Variants in BNC2 observed in about 807,000 individuals in gnomAD.
BNC2 encodes zinc finger protein basonuclin-2.
In BNC2, 20 loss-of-function variants were observed where a neutral mutation model predicts 76.3. The ratio of observed to expected loss-of-function variants is 0.26; its 90% confidence interval spans 0.18 to 0.38. BNC2 has a LOEUF of 0.38. Among genes scored for constraint, BNC2 ranks in the 10% least tolerant of loss-of-function variants. The pLI is 1.00. For missense variants in BNC2, 1,382 were observed against 1,399.8 expected, an observed-to-expected ratio of 0.99 and a Z score of 0.20; for synonymous variants, 582 against 514.8, an observed-to-expected ratio of 1.13 and a Z score of -1.77.
At chr9:16,422,629 A>G (rs978079553) in intron 6 of BNC2, among the ~76,000 whole-genome samples, 2 of 152,190 alleles carry the variant, frequency 1.3e-5, no homozygotes, top group Non-Finnish European at 2.9e-5. Context: ...GGACTGAGGA[A>G]AGTCTGCTGT....
Position 16,435,699 on chromosome 9 carries a change from G to A in BNC2, c.2495C>T (p.Pro832Leu). Reference protein sequence around the residue: ...PEGDLCSSPDPKICYVCKKSF... With the variant: ...PEGDLCSSPDLKICYVCKKSF... ...CTTCTTGCACACATAACAGATTTTGGGGTCTGGGCTAGAACATAGGTCACC... is the reference window on the plus strand; with the variant it reads ...CTTCTTGCACACATAACAGATTTTGAGGTCTGGGCTAGAACATAGGTCACC... Residue 832 changes from proline to leucine, a missense_variant, in exon 6 of 7, where the codon CCC becomes CTC. Pro to Leu is a moderately conservative substitution (Grantham distance 98). Coordinates refer to ENST00000380672, the MANE Select transcript of BNC2 (RefSeq NM_017637.6). 1 of 1,614,086 alleles carries A rather than the reference G, an allele frequency of 6.2e-7. No individual in the cohort carries two copies. The highest frequency in any genetic ancestry group is 8.5e-7 in the Non-Finnish European group (1 of 1,180,028).
intron 5 of BNC2, among the ~76,000 whole-genome samples, chr9:16,478,590 G>T (rs561285511): frequency 1.6e-4 from 25 of 152,170 alleles, no homozygotes; most frequent in Non-Finnish European, 3.1e-4. Context: ...ATTCTTCAAT[G>T]AACAGTGTTA....
At chr9:16,761,571 G>C (rs532280775) in intron 1 of BNC2, among the ~76,000 whole-genome samples, 1 of 152,334 alleles carries the variant, frequency 6.6e-6, no homozygotes, top group African/African-American at 2.4e-5. Context: ...TTTGCGGGGA[G>C]AGGGAGTCAG....
chr9:16,823,467 G>C (rs888233812), intron 1 of BNC2, among the ~76,000 whole-genome samples: 3 of 151,494 alleles, frequency 2.0e-5, no homozygotes, highest in African/African-American at 7.3e-5. Context: ...GCCAGGTGTG[G>C]TGGCATGTCC....
At chr9:16,838,215 G>A (rs1818751237) in intron 1 of BNC2, among the ~76,000 whole-genome samples, 1 of 152,066 alleles carries the variant, frequency 6.6e-6, no homozygotes, top group Admixed American at 6.6e-5. Context: ...TTTTTTCCAT[G>A]TACAAATACA....
intron 5 of BNC2, among the ~76,000 whole-genome samples, chr9:16,502,927 TACAACAAGCGTATTCTAATCTACCCTAG>T (rs1822550988): frequency 6.6e-6 from 1 of 152,112 alleles, no homozygotes; most frequent in African/African-American, 2.4e-5. Flanking sequence ...AAGGAAGAGC[TACAACAAGCGTATTCTAATCTACCCTAG>T]ATTTATGGGA....
intron 1 of BNC2, among the ~76,000 whole-genome samples, chr9:16,843,700 T>A (rs1183485670): frequency 6.6e-6 from 1 of 152,224 alleles, no homozygotes; most frequent in South Asian, 2.1e-4. Flanking sequence ...TTTTAGTAAA[T>A]GTTTCTGAGC....
chr9:16,595,200 G>C (rs1820033002), intron 3 of BNC2, among the ~76,000 whole-genome samples: 1 of 152,032 alleles, frequency 6.6e-6, no homozygotes, highest in Non-Finnish European at 1.5e-5. Flanking sequence ...CCTGTCTTGG[G>C]ACTGTCCATC....
At position 16,414,095 on chromosome 9, in the gene BNC2, G is replaced by A. The variant is rs568408305; in HGVS notation, c.*4894C>T. Reference sequence around the variant, plus strand: ...AAGCAACCAAAACCCCACAATTGTCGGCTCTTCCTGACCCCAAAGGAACTT... The same window carrying A: ...AAGCAACCAAAACCCCACAATTGTCAGCTCTTCCTGACCCCAAAGGAACTT... On this transcript the variant is annotated 3_prime_UTR_variant, in exon 7 of 7. Transcript: ENST00000380672. The A allele has an allele frequency of 1.4e-4, 21 of 152,010 alleles. No homozygotes were observed. Among genetic ancestry groups the A allele is most frequent in the Admixed American group, 2.0e-4 (3 of 15,242 alleles). The allele number at this position is 152,010 out of a possible 1,614,324, so 9.4% of individuals were successfully genotyped here. A position where few individuals can be genotyped will look rare whatever the true frequency, so the allele number is the denominator to read the frequency against.
chr9:16,801,743 A>AAAC lies in BNC2; in HGVS notation c.4-63259_4-63258insGTT, dbSNP rs1554737321. On this transcript the variant is annotated intron_variant, in intron 1 of 6. Coordinates refer to ENST00000380672, the MANE Select transcript of BNC2 (RefSeq NM_017637.6). ...CACCCCCTTAAATTAAAAAAAAAAAAACACACACACACAGAAAAAATAAAA... is the reference window on the plus strand; with the variant it reads ...CACCCCCTTAAATTAAAAAAAAAAAAAACACACACACACACAGAAAAAATAAAA... Among the ~76,000 whole-genome samples the AAAC allele has an allele frequency of 1.8e-3, 269 of 148,762 alleles. 3 individuals are homozygous for AAAC. In the South Asian group the frequency reaches 0.043, roughly 24 times the overall value.
At chr9:16,695,535 CTTT>C (rs35589107) in intron 3 of BNC2, among the ~76,000 whole-genome samples, 68,945 of 126,810 alleles carry the variant, frequency 0.54, 19,289 homozygotes, top group Non-Finnish European at 0.71. Flanking sequence ...CTTTTTCTTT[CTTT>C]TTTTTTTTTT....
intron 1 of BNC2, among the ~76,000 whole-genome samples, chr9:16,837,636 G>C (rs544590377): frequency 3.2e-4 from 49 of 152,294 alleles, no homozygotes; most frequent in African/African-American, 1.1e-3. Context: ...TTTGTAGAAT[G>C]AGATAAATAA....
At chr9:16,695,517 AT>A (rs1028043390) in intron 3 of BNC2, among the ~76,000 whole-genome samples, 14 of 143,274 alleles carry the variant, frequency 9.8e-5, no homozygotes, top group Non-Finnish European at 2.0e-4. Flanking sequence ...TTTTAGCTAA[AT>A]TTTTTTCTTT....
intron 3 of BNC2, among the ~76,000 whole-genome samples, chr9:16,708,673 G>T (rs1026606252): frequency 2.0e-5 from 3 of 152,080 alleles, no homozygotes; most frequent in Non-Finnish European, 2.9e-5. Context: ...AAATAAGAAT[G>T]AGATGGGGAG....
chr9:16,566,398 C>T (rs150060970), intron 4 of BNC2, among the ~76,000 whole-genome samples: 2 of 152,232 alleles, frequency 1.3e-5, no homozygotes, highest in African/African-American at 4.8e-5. Context: ...CTTTCTCAAC[C>T]CTTCTTTTGT....
chr9:16,621,884 T>A (rs1403521719), intron 3 of BNC2, among the ~76,000 whole-genome samples: 2 of 152,202 alleles, frequency 1.3e-5, no homozygotes, highest in Admixed American at 6.5e-5. Context: ...GAAATCATAA[T>A]TTTTGATATA....
At chr9:16,537,311 A>G (rs931240803) in intron 5 of BNC2, among the ~76,000 whole-genome samples, 2 of 152,178 alleles carry the variant, frequency 1.3e-5, no homozygotes, top group East Asian at 1.9e-4. Context: ...GTTTCCTTGA[A>G]TCGCACTCGA....
At chr9:16,698,767 A>T (rs1823418690) in intron 3 of BNC2, among the ~76,000 whole-genome samples, 1 of 152,158 alleles carries the variant, frequency 6.6e-6, no homozygotes, top group Non-Finnish European at 1.5e-5. Flanking sequence ...TGCATTTTTT[A>T]AAAGTCACAT....
At chr9:16,684,613 C>A (rs1022583391) in intron 3 of BNC2, among the ~76,000 whole-genome samples, 7 of 152,044 alleles carry the variant, frequency 4.6e-5, no homozygotes, top group Admixed American at 4.6e-4. Flanking sequence ...AAACTGAGCT[C>A]ACTATGCTCA....
Sources: allele counts gnomAD v4.1 joint callset (sites outside exome capture counted in the v4.1 genomes callset), GRCh38; gene constraint gnomAD v4.1.1; transcripts MANE v1.5; gene names NCBI Gene and HGNC (gene_info 2026-07-23, HGNC 2026-07-21).